The following LRIG1 variants were observed in gnomAD, a reference collection of about 807,000 sequenced individuals.
The protein encoded by LRIG1 is leucine-rich repeats and immunoglobulin-like domains protein 1.
A neutral mutation model predicts 99.2 loss-of-function variants in LRIG1; 48 were observed. That is an observed-to-expected ratio of 0.48 (90% CI 0.38 to 0.62). LRIG1 has a LOEUF of 0.62. LRIG1 is among the 20% of genes least tolerant of loss of function. The pLI is 0.00. For synonymous variants in LRIG1, 772 were observed against 596.1 expected (o/e 1.29, Z -4.30); for missense variants, 1,646 against 1,434.4 (o/e 1.15, Z -2.38).
At chr3:66,442,781 C>G (rs1241503819) in intron 3 of LRIG1, among the ~76,000 whole-genome samples, 2 of 152,102 alleles carry the variant, frequency 1.3e-5, no homozygotes, top group South Asian at 2.1e-4. Flanking sequence ...GAAAAAAGCC[C>G]TACGCTCAAC....
chr3:66,392,286 A>G (rs990099255), intron 12 of LRIG1, among the ~76,000 whole-genome samples: 1 of 152,202 alleles, frequency 6.6e-6, no homozygotes, highest in African/African-American at 2.4e-5. Context: ...GAACATATAC[A>G]TTCATTTCTC....
In LRIG1 at chr3:66,441,976, C is replaced by T. The variant is rs569106121; in HGVS notation, c.365+9583G>A. Among the ~76,000 whole-genome samples, 12 of 152,238 alleles carry T rather than the reference C, an allele frequency of 7.9e-5. No homozygotes were observed. In the South Asian group the frequency reaches 2.3e-3, roughly 29 times the overall value. On this transcript the variant is annotated intron_variant, in intron 3 of 18. Transcript: ENST00000273261. The stretch of plus-strand genomic sequence containing the variant: ...AGAGGTGACACAGTAAGACAGGTCC[C>T]GGGAAGTCCATAGAGCAACGCCTGC...
At chr3:66,495,220 G>A (rs898531408) in intron 1 of LRIG1, among the ~76,000 whole-genome samples, 2 of 152,176 alleles carry the variant, frequency 1.3e-5, no homozygotes, top group African/African-American at 4.8e-5. Context: ...ATTTCCCACA[G>A]GCTGGTAAAC....
rs1204330447 is a variant in LRIG1, at chr3:66,383,387, C to T, written c.2086G>A (p.Val696Met). Residue 696 changes from valine (V) to methionine (M), a missense_variant, in exon 15 of 19, where the codon GTG becomes ATG. By Grantham distance (21) the Val-to-Met change is conservative. Coordinates refer to ENST00000273261, the MANE Select transcript of LRIG1 (RefSeq NM_015541.3). ...ACCACACGGTCTTCCAAGGGGACCA[C>T]CAAGGATGGGGTCTCTACAAGAGAG... ...TLTVLETPSL[V>M]VPLEDRVVSV... is the part of the protein sequence containing the mutation. 2 of 1,559,854 alleles carry T rather than the reference C, an allele frequency of 1.3e-6. No homozygotes were observed. The highest frequency in any genetic ancestry group is 8.7e-7 in the Non-Finnish European group (1 of 1,147,614).
intron 1 of LRIG1, among the ~76,000 whole-genome samples, chr3:66,470,817 C>T (rs978410589): frequency 6.6e-6 from 1 of 152,196 alleles, no homozygotes; most frequent in African/African-American, 2.4e-5. Flanking sequence ...ATTCTAGGAT[C>T]TTTCCTACCA....
intron 3 of LRIG1, among the ~76,000 whole-genome samples, chr3:66,441,482 A>T (rs1398772283): frequency 6.6e-6 from 1 of 152,212 alleles, no homozygotes; most frequent in Non-Finnish European, 1.5e-5. Flanking sequence ...AGAGACAGGG[A>T]AAGATAGTAG....
At chr3:66,449,302 G>T (rs536617418) in intron 3 of LRIG1, among the ~76,000 whole-genome samples, 35 of 152,202 alleles carry the variant, frequency 2.3e-4, no homozygotes, top group Non-Finnish European at 4.9e-4. Flanking sequence ...AGAAAACCAA[G>T]ATAAAGCCCC....
At chr3:66,458,992 A>G (rs1700294933) in intron 2 of LRIG1, among the ~76,000 whole-genome samples, 2 of 148,748 alleles carry the variant, frequency 1.3e-5, no homozygotes, top group Admixed American at 1.4e-4. Context: ...CCAGCCTGGG[A>G]GATAAGAGCG....
At chr3:66,411,652 T>A (rs1228338338) in intron 6 of LRIG1, among the ~76,000 whole-genome samples, 1 of 152,150 alleles carries the variant, frequency 6.6e-6, no homozygotes. Context: ...GCACAACATG[T>A]GGATGGACCT....
chr3:66,438,297 A>G (rs1703427672), intron 3 of LRIG1, among the ~76,000 whole-genome samples: 1 of 152,194 alleles, frequency 6.6e-6, no homozygotes, highest in East Asian at 1.9e-4. Context: ...TGAGCCTGCC[A>G]GGAACCTGGG....
chr3:66,383,950 A>T (rs1370136234), intron 14 of LRIG1, 41 bp downstream of exon 14: 2 of 852,252 alleles, frequency 2.3e-6, no homozygotes, highest in Admixed American at 2.3e-5. Context: ...TCTCTCGCTC[A>T]CACACACACA....
intron 8 of LRIG1, 97 bp from the exon 9 acceptor site, chr3:66,405,375 G>C: frequency 2.1e-6 from 2 of 931,344 alleles, no homozygotes; most frequent in South Asian, 1.4e-5. Flanking sequence ...AAGTCCCCTG[G>C]GTGCATGCAC....
intron 1 of LRIG1, among the ~76,000 whole-genome samples, chr3:66,481,710 CA>C (rs1412208287): frequency 5.3e-5 from 8 of 152,220 alleles, no homozygotes; most frequent in African/African-American, 1.9e-4. Flanking sequence ...AAAACCTTTA[CA>C]GGAAGTAGTG....
intron 8 of LRIG1, 145 bp from the exon 9 acceptor site, chr3:66,405,423 G>A (rs1016361108): frequency 3.9e-5 from 27 of 689,340 alleles, no homozygotes; most frequent in Non-Finnish European, 6.0e-5. Context: ...GAAGAGACAC[G>A]TGGCCCTGGG....
At chr3:66,493,845 G>A (rs1468709036) in intron 1 of LRIG1, among the ~76,000 whole-genome samples, 1 of 132,472 alleles carries the variant, frequency 7.5e-6, no homozygotes, top group Non-Finnish European at 1.6e-5. Flanking sequence ...AAGAGAGAGA[G>A]AGAGAAAGAG....
chr3:66,496,901 G>A (rs1701239910), intron 1 of LRIG1, among the ~76,000 whole-genome samples: 1 of 152,210 alleles, frequency 6.6e-6, no homozygotes, highest in African/African-American at 2.4e-5. Flanking sequence ...GAAAGACAAA[G>A]GCCCTCTTTG....
At chr3:66,444,256 T>G (rs1028983383) in intron 3 of LRIG1, among the ~76,000 whole-genome samples, 7 of 152,210 alleles carry the variant, frequency 4.6e-5, no homozygotes, top group Admixed American at 4.6e-4. Context: ...CTGGGCAGAC[T>G]TGAGTGGTCA....
rs780942970 is a variant in LRIG1, at chr3:66,382,375, C to T, written c.2515G>A (p.Val839Ile). Reference sequence around the variant, plus strand: ...CCCTGAGAAGAGAGGTAGCTTGGAACATCTGGTGGCACGACGGTTTCATCT... The same window carrying T: ...CCCTGAGAAGAGAGGTAGCTTGGAATATCTGGTGGCACGACGGTTTCATCT... ...NTDETVVPPD[V>I]PSYLSSQGTL... The change falls in exon 16 of 19, where the codon GTT becomes ATT. Residue 839 changes from valine (V) to isoleucine (I), a missense_variant. Coordinates refer to ENST00000273261, the MANE Select transcript of LRIG1 (RefSeq NM_015541.3). The T allele has an allele frequency of 6.2e-7, 1 of 1,614,214 alleles. No individual in the cohort carries two copies. Among genetic ancestry groups the T allele is most frequent in the Admixed American group, 1.7e-5 (1 of 60,034 alleles).
chr3:66,500,323 C>G lies in LRIG1; in HGVS notation c.85G>C (p.Glu29Gln). The change falls in exon 1 of 19, where the codon GAG (glutamate) becomes CAG (glutamine). Residue 29 changes from glutamate (E) to glutamine (Q), a missense_variant. By Grantham distance (29) the Glu-to-Gln change is conservative. Transcript: ENST00000273261. ...GGGCCGGCCGCGGCGGTCACCGGCT[C>G]CAGCCGAAGCAAAAGCAGCCAGAGA... ...LLLWLLLLRL[E>Q]PVTAAAGPRA... 2.7e-6 allele frequency: 4 copies of G among 1,491,548 alleles called. No homozygotes were observed. The highest frequency in any genetic ancestry group is 3.6e-6 in the Non-Finnish European group (4 of 1,126,130). The allele number at this position is 1,491,548 out of a possible 1,614,324, so 92.4% of individuals were successfully genotyped here.
Sources: gnomAD v4.1 joint callset for allele counts (sites outside exome capture counted in the v4.1 genomes callset) on GRCh38, gnomAD v4.1.1 for gene constraint, MANE v1.5 for transcripts, NCBI Gene and HGNC (gene_info 2026-07-23, HGNC 2026-07-21) for gene names.